The following PRKCE variants were observed in gnomAD, a reference collection of about 807,000 sequenced individuals.
The protein encoded by PRKCE is protein kinase C epsilon type.
Under a neutral mutation model 85.4 loss-of-function variants are expected in PRKCE, and 16 were observed. The observed-to-expected ratio is 0.19, with a 90% CI of 0.13 to 0.28. The LOEUF is 0.28. Ranked by LOEUF, PRKCE falls within the 10% of genes least tolerant of loss-of-function variation. The pLI, the probability that PRKCE is intolerant of heterozygous loss-of-function variation, is 1.00. For missense variants in PRKCE, 573 were observed against 975.2 expected (o/e 0.59, Z 5.49); for synonymous variants, 388 against 371.5 (o/e 1.04, Z -0.51).
chr2:46,065,069 C>G (rs967954726), intron 10 of PRKCE, among the ~76,000 whole-genome samples: 24 of 152,162 alleles, frequency 1.6e-4, no homozygotes, highest in South Asian at 4.1e-4. Flanking sequence ...AATTATTCCA[C>G]ACTTCAGCGC....
In PRKCE at chr2:46,145,669, AC is replaced by A. The variant is rs1360749841; in HGVS notation, c.1731+440del. On this transcript the variant is annotated intron_variant, in intron 12 of 14. Coordinates refer to ENST00000306156, the MANE Select transcript of PRKCE (RefSeq NM_005400.3). This position sits in a 1 kb window ranked among gnomAD's most constrained non-coding sequence, Gnocchi z 4.6. ...GATCGCTTGAGCCCAGGAGTTCAAG[AC>A]CAGCCGGGGCAACATGGTGAAACCC... Among the ~76,000 whole-genome samples, 1 of 152,168 alleles carries A rather than the reference AC, an allele frequency of 6.6e-6. No individual in the cohort carries two copies. Among genetic ancestry groups the A allele is most frequent in the Non-Finnish European group, 1.5e-5 (1 of 68,032 alleles).
intron 1 of PRKCE, among the ~76,000 whole-genome samples, chr2:45,825,342 C>A (rs1689859103): frequency 6.6e-6 from 1 of 152,204 alleles, no homozygotes; most frequent in Non-Finnish European, 1.5e-5. Flanking sequence ...CAGCCCCCAC[C>A]AGTGTATCTT....
chr2:45,852,917 T>G (rs908050174), intron 2 of PRKCE, among the ~76,000 whole-genome samples: 3 of 152,202 alleles, frequency 2.0e-5, no homozygotes, highest in African/African-American at 7.2e-5. Context: ...GGGCTGAGAT[T>G]CTGCATTGCT....
At chr2:45,837,125 A>G (rs1311285228) in intron 1 of PRKCE, among the ~76,000 whole-genome samples, 1 of 152,254 alleles carries the variant, frequency 6.6e-6, no homozygotes, top group Admixed American at 6.5e-5. Flanking sequence ...ACAGCAGCAC[A>G]TCAGCCAGCA....
In PRKCE at chr2:46,007,493, A is replaced by G; in HGVS notation, c.1095A>G (p.Lys365=). Residue 365 remains lysine, a synonymous_variant, in exon 9 of 15, where the codon AAA becomes AAG. Coordinates refer to ENST00000306156, the MANE Select transcript of PRKCE (RefSeq NM_005400.3). Reference sequence around the variant, plus strand: ...AAGAACTTGAGAACAACATTCGGAAAGCCTTGTCATTTGACAACCGAGGAG... The same window carrying G: ...AAGAACTTGAGAACAACATTCGGAAGGCCTTGTCATTTGACAACCGAGGAG... ...EIKELENNIR[K]ALSFDNRGEE... 6.3e-7 allele frequency: 1 copy of G among 1,599,784 alleles called. No individual in the cohort carries two copies. The highest frequency in any genetic ancestry group is 8.5e-7 in the Non-Finnish European group (1 of 1,179,964).
intron 10 of PRKCE, among the ~76,000 whole-genome samples, chr2:46,074,429 CAAA>C (rs11287357): frequency 2.8e-4 from 26 of 93,856 alleles, no homozygotes; most frequent in Non-Finnish European, 4.4e-4. Context: ...CAACAACAAC[CAAA>C]AAAAAAAAAA....
intron 1 of PRKCE, among the ~76,000 whole-genome samples, chr2:45,724,758 C>G (rs1680914050): frequency 6.6e-6 from 1 of 152,200 alleles, no homozygotes; most frequent in African/African-American, 2.4e-5. Flanking sequence ...AAAGCCTACT[C>G]CAGAGCAAGG....
chr2:45,766,055 AG>A (rs1684887545), intron 1 of PRKCE, among the ~76,000 whole-genome samples: 1 of 152,210 alleles, frequency 6.6e-6, no homozygotes. Context: ...TACTGGAGAT[AG>A]GGGAGATTAT....
At chr2:46,051,333 A>C (rs572121980) in intron 10 of PRKCE, among the ~76,000 whole-genome samples, 1 of 152,274 alleles carries the variant, frequency 6.6e-6, no homozygotes, top group South Asian at 2.1e-4. Context: ...TGCACCATAC[A>C]CATGCTGTCA....
chr2:46,056,132 A>C (rs2105092135), intron 10 of PRKCE, among the ~76,000 whole-genome samples: 1 of 152,346 alleles, frequency 6.6e-6, no homozygotes, highest in South Asian at 2.1e-4. Flanking sequence ...GACTGAATCA[A>C]GTATACCCAG....
chr2:46,131,810 CT>C (rs1169255283), intron 11 of PRKCE, among the ~76,000 whole-genome samples: 2 of 152,138 alleles, frequency 1.3e-5, no homozygotes, highest in Admixed American at 6.5e-5. Context: ...TGCTTGCTTT[CT>C]TTTTTTCCCC....
At chr2:45,955,656 A>C (rs143880447) in intron 2 of PRKCE, among the ~76,000 whole-genome samples, 1 of 152,158 alleles carries the variant, frequency 6.6e-6, no homozygotes, top group African/African-American at 2.4e-5. Flanking sequence ...CTCATCTCAA[A>C]AACAAACCCC....
intron 2 of PRKCE, among the ~76,000 whole-genome samples, chr2:45,940,671 T>C (rs1699807266): frequency 1.3e-5 from 2 of 152,226 alleles, no homozygotes; most frequent in Non-Finnish European, 2.9e-5. Context: ...CACTCTCACG[T>C]ACCGCATGCA....
At position 45,673,040 on chromosome 2, in the gene PRKCE, A is replaced by AAAAC. The variant is rs535441855; in HGVS notation, c.348+20605_348+20608dup. ...ACAGAGCAAGTCCCTGTCTCTAATA[A>AAAAC]AAACAAACAAACAAACCAAAAACCA... On this transcript the variant is annotated intron_variant, in intron 1 of 14. Coordinates refer to ENST00000306156, the MANE Select transcript of PRKCE (RefSeq NM_005400.3). Among the ~76,000 whole-genome samples, 36 of 152,274 alleles carry AAAAC rather than the reference A, an allele frequency of 2.4e-4. No individual in the cohort carries two copies. The South Asian group carries it at 3.5e-3, about 15-fold the overall frequency.
chr2:45,696,384 G>A (rs1678153059), intron 1 of PRKCE, among the ~76,000 whole-genome samples: 1 of 151,954 alleles, frequency 6.6e-6, no homozygotes, highest in Admixed American at 6.6e-5. Flanking sequence ...TATTGCCAGG[G>A]CCCCAAAAGA....
intron 2 of PRKCE, among the ~76,000 whole-genome samples, chr2:45,880,834 A>G (rs1694826095): frequency 6.6e-6 from 1 of 152,202 alleles, no homozygotes. Context: ...ACTAGATATT[A>G]AGGACTCAGA....
chr2:46,121,203 G>A (rs181786633), intron 11 of PRKCE, among the ~76,000 whole-genome samples: 27 of 152,268 alleles, frequency 1.8e-4, no homozygotes, highest in Non-Finnish European at 3.1e-4. Flanking sequence ...CAACTTTTAT[G>A]GGGATGTTTA....
intron 2 of PRKCE, among the ~76,000 whole-genome samples, chr2:45,936,682 G>T (rs980843803): frequency 6.6e-6 from 1 of 152,184 alleles, no homozygotes; most frequent in African/African-American, 2.4e-5. Context: ...CTCTTTTTGC[G>T]TAATCTTTGA....
At chr2:46,025,159 A>C (rs1707002051) in intron 10 of PRKCE, among the ~76,000 whole-genome samples, 1 of 152,246 alleles carries the variant, frequency 6.6e-6, no homozygotes, top group African/African-American at 2.4e-5. Flanking sequence ...AATTCACGAG[A>C]GAACTCCCGG....
Sources: gnomAD v4.1 joint callset for allele counts (sites outside exome capture counted in the v4.1 genomes callset) on GRCh38, gnomAD v4.1.1 for gene constraint, Gnocchi (gnomAD v3.1) non-coding constraint, MANE v1.5 for transcripts, NCBI Gene and HGNC (gene_info 2026-07-23, HGNC 2026-07-21) for gene names.